Variants in SNTG2 observed in about 807,000 individuals in gnomAD.
SNTG2 encodes the protein gamma-2-syntrophin.
In SNTG2, 74 loss-of-function variants were observed where a neutral mutation model predicts 70.9. That is an observed-to-expected ratio of 1.04 (90% CI 0.86 to 1.27). The LOEUF (loss-of-function observed/expected upper bound fraction) is 1.27, where lower values mean the gene tolerates loss of function less well. Ranked by LOEUF, SNTG2 falls within the 50% of genes most tolerant of loss-of-function variation. SNTG2 has a pLI of 0.00. For missense variants in SNTG2, 717 were observed against 690.7 expected (o/e 1.04, Z -0.43); for synonymous variants, 278 against 273.8 (o/e 1.02, Z -0.15).
intron 12 of SNTG2, among the ~76,000 whole-genome samples, chr2:1,249,970 G>T (rs1677657534): frequency 6.6e-6 from 1 of 152,166 alleles, no homozygotes; most frequent in African/African-American, 2.4e-5. Flanking sequence ...GAGAGTGAGG[G>T]CTGAGGAGGG....
intron 9 of SNTG2, among the ~76,000 whole-genome samples, chr2:1,230,783 C>T (rs770000418): frequency 9.9e-5 from 15 of 152,248 alleles, no homozygotes; most frequent in East Asian, 1.9e-4. Context: ...CACAAGCCCC[C>T]GCTACCTACT....
chr2:1,153,425 G>A (rs1474911222), intron 6 of SNTG2, among the ~76,000 whole-genome samples: 4 of 152,152 alleles, frequency 2.6e-5, no homozygotes, highest in Non-Finnish European at 4.4e-5. Flanking sequence ...TTAGAAGATT[G>A]CATTATCGTT....
intron 16 of SNTG2, 42 bp downstream of exon 16, chr2:1,316,417 C>A: frequency 9.6e-7 from 1 of 1,038,760 alleles, no homozygotes; most frequent in Non-Finnish European, 1.5e-6. Flanking sequence ...ACCACCCACA[C>A]ATAAAGTACA....
chr2:1,254,528 ACTAT>A (rs1295628063), intron 12 of SNTG2, among the ~76,000 whole-genome samples: 2 of 152,210 alleles, frequency 1.3e-5, no homozygotes, highest in Admixed American at 1.3e-4. Context: ...GCAATTTAAG[ACTAT>A]CAATTACATA....
chr2:1,233,663 C>T (rs748282134), intron 9 of SNTG2, among the ~76,000 whole-genome samples: 5 of 152,174 alleles, frequency 3.3e-5, no homozygotes, highest in African/African-American at 7.2e-5. Flanking sequence ...TGTCCTAATA[C>T]GTTAAGACAT....
At chr2:1,186,521 A>C (rs1558507072) in intron 8 of SNTG2, among the ~76,000 whole-genome samples, 1 of 152,236 alleles carries the variant, frequency 6.6e-6, no homozygotes, top group Non-Finnish European at 1.5e-5. Context: ...ATTGGCTCAT[A>C]GTACCACAGG....
intron 1 of SNTG2, among the ~76,000 whole-genome samples, chr2:966,345 T>C (rs921547828): frequency 1.3e-4 from 20 of 152,266 alleles, no homozygotes; most frequent in Admixed American, 9.8e-4. Flanking sequence ...AATCTTTGCC[T>C]GATTCTGCAA....
intron 14 of SNTG2, among the ~76,000 whole-genome samples, chr2:1,297,159 A>G (rs1194237793): frequency 6.6e-6 from 1 of 152,166 alleles, no homozygotes; most frequent in Non-Finnish European, 1.5e-5. Context: ...TCCCTGAGCT[A>G]ATGCCCCCAC....
intron 16 of SNTG2, among the ~76,000 whole-genome samples, chr2:1,330,081 T>C (rs905294050): frequency 6.6e-6 from 1 of 152,156 alleles, no homozygotes; most frequent in Non-Finnish European, 1.5e-5. Context: ...GGAAGCTCTA[T>C]CTTTGTACAC....
At position 1,353,340 on chromosome 2, in the gene SNTG2, G is replaced by A. The variant is rs967405971; in HGVS notation, c.1489-14003G>A. Among the ~76,000 whole-genome samples, 1 of 152,164 alleles carries A rather than the reference G, an allele frequency of 6.6e-6. No homozygotes were observed. The highest frequency in any genetic ancestry group is 1.5e-5 in the Non-Finnish European group (1 of 68,044). On this transcript the variant is annotated intron_variant, in intron 16 of 16. Transcript: ENST00000308624. The surrounding 1 kb of genome is among the most constrained non-coding windows in gnomAD (Gnocchi z 4.2). Reference sequence around the variant, plus strand: ...GTATAAACATAAGGAAGTGCCTGGGGCCCTGGCTTGGACTCTCTGCAGCAC... The same window carrying A: ...GTATAAACATAAGGAAGTGCCTGGGACCCTGGCTTGGACTCTCTGCAGCAC...
intron 16 of SNTG2, among the ~76,000 whole-genome samples, chr2:1,331,399 G>A (rs1205636507): frequency 2.6e-5 from 4 of 152,352 alleles, no homozygotes; most frequent in African/African-American, 9.6e-5. Flanking sequence ...CAGACCTTCT[G>A]CTGCGAGCTA....
chr2:1,332,104 T>G (rs1224163084), intron 16 of SNTG2, among the ~76,000 whole-genome samples: 1 of 152,224 alleles, frequency 6.6e-6, no homozygotes, highest in Non-Finnish European at 1.5e-5. Context: ...CCTGTGAAGT[T>G]GTGTCCTTCC....
At chr2:964,344 G>A (rs1459487199) in intron 1 of SNTG2, among the ~76,000 whole-genome samples, 4 of 152,272 alleles carry the variant, frequency 2.6e-5, no homozygotes, top group South Asian at 2.1e-4. Context: ...TGGTGTCTCC[G>A]CCTGCCTCCG....
intron 16 of SNTG2, among the ~76,000 whole-genome samples, chr2:1,317,319 C>G (rs553016580): frequency 1.8e-4 from 15 of 82,182 alleles, no homozygotes; most frequent in South Asian, 4.8e-4. Context: ...TAGCATCAGG[C>G]CAGCATTGGA....
rs1216764879 is a variant in SNTG2 at position 965,561 on chromosome 2, T to TTCTGTGGTCCCCTCCTCC, written c.72+14501_72+14518dup. On this transcript the variant is annotated intron_variant, in intron 1 of 16. Transcript: ENST00000308624. Reference sequence around the variant, plus strand: ...CCTCCTCCTTGACCCCCTGGTCCTCTTCTGTGGTCCCCTCCTCCTCTGTGG... The same window carrying TTCTGTGGTCCCCTCCTCC: ...CCTCCTCCTTGACCCCCTGGTCCTCTTCTGTGGTCCCCTCCTCCTCTGTGGTCCCCTCCTCCTCTGTGG... Among the ~76,000 whole-genome samples, 927 of 151,144 alleles carry TTCTGTGGTCCCCTCCTCC rather than the reference T, an allele frequency of 6.1e-3. 12 individuals carry two copies. The highest frequency in any genetic ancestry group is 0.021 in the African/African-American group (872 of 41,130).
chr2:1,359,618 G>T (rs80099289), intron 16 of SNTG2, among the ~76,000 whole-genome samples: 3 of 152,036 alleles, frequency 2.0e-5, no homozygotes, highest in African/African-American at 7.2e-5. Flanking sequence ...TTTTGTTGTT[G>T]TCTATTTCAC....
At chr2:1,076,343 C>G (rs540602752) in intron 1 of SNTG2, among the ~76,000 whole-genome samples, 4 of 152,188 alleles carry the variant, frequency 2.6e-5, no homozygotes, top group African/African-American at 7.2e-5. Context: ...TTCTCCTCCC[C>G]GTGCCTCTTC....
chr2:991,834 AT>A (rs1459035748), intron 1 of SNTG2, among the ~76,000 whole-genome samples: 11 of 152,226 alleles, frequency 7.2e-5, no homozygotes, highest in Non-Finnish European at 1.5e-4. Flanking sequence ...TCAATAAATG[AT>A]AAGAAATTTC....
intron 16 of SNTG2, among the ~76,000 whole-genome samples, chr2:1,347,320 GCCT>G (rs1470515176): frequency 6.6e-5 from 10 of 152,196 alleles, no homozygotes; most frequent in African/African-American, 1.9e-4. Context: ...GGGTCCAGTA[GCCT>G]CCTGACCAGC....
Sources: allele counts gnomAD v4.1 joint callset (sites outside exome capture counted in the v4.1 genomes callset), GRCh38; gene constraint gnomAD v4.1.1; non-coding constraint Gnocchi (gnomAD v3.1); transcripts MANE v1.5; gene names NCBI Gene and HGNC (gene_info 2026-07-23, HGNC 2026-07-21).